TENT2: variants seen among roughly 807,000 people sequenced by gnomAD.
The protein encoded by TENT2 is poly(A) RNA polymerase GLD2.
TENT2 carries 44 observed loss-of-function variants against 72.2 expected under a neutral mutation model. The ratio of observed to expected loss-of-function variants is 0.61; its 90% CI spans 0.48 to 0.78. The LOEUF (loss-of-function observed/expected upper bound fraction) is 0.78, where lower values mean the gene tolerates loss of function less well. Among genes scored for constraint, TENT2 ranks in the 30% least tolerant of loss-of-function variants. The probability of loss-of-function intolerance (pLI) is 0.00; values close to 1 mark genes in which losing one functional copy is unlikely to be tolerated. For missense variants in TENT2, 541 were observed against 569.6 expected, an observed-to-expected ratio of 0.95 and a Z score of 0.51; for synonymous variants, 212 against 192.5, an observed-to-expected ratio of 1.10 and a Z score of -0.84.
rs1826203137 is a variant in TENT2 at position 79,686,864 on chromosome 5, G to A, written c.*1591G>A. On this transcript the variant is annotated 3_prime_UTR_variant, in exon 15 of 15. Transcript: ENST00000453514. ...GCATTTGAGCTTTTCATATTTTGGG[G>A]GGGAATTTTTCCTAAAATTTACACT... Among the ~76,000 whole-genome samples the A allele has an allele frequency of 6.6e-6, 1 of 152,010 alleles. No individual in the cohort carries two copies. Among genetic ancestry groups the A allele is most frequent in the African/African-American group, 2.4e-5 (1 of 41,406 alleles).
intron 4 of TENT2, among the ~76,000 whole-genome samples, chr5:79,627,840 G>A (rs1232364373): frequency 2.0e-5 from 3 of 152,164 alleles, no homozygotes; most frequent in South Asian, 2.1e-4. Context: ...GAGAAAGAAG[G>A]CAAGCAGTCA....
Position 79,616,335 on chromosome 5 carries a change from A to T in TENT2, c.-38+3260A>T, listed in dbSNP as rs963739535. On this transcript the variant is annotated intron_variant, in intron 1 of 14. Transcript: ENST00000453514. ...TGTCCCAGCCTCCCAAGTAGCTGGG[A>T]TTACAGGCATGTGCTACCACGCCTG... is the stretch of plus-strand genomic sequence containing the variant. Among the ~76,000 whole-genome samples, 3 of 150,752 alleles carry T rather than the reference A, an allele frequency of 2.0e-5. No homozygotes were observed. The East Asian group carries it at 5.9e-4, about 30-fold the overall frequency.
In TENT2 at chr5:79,657,008, G is replaced by T. The variant is rs1215229953; in HGVS notation, c.1071+7G>T. On this transcript the variant is annotated splice_region_variant and intron_variant, in intron 11 of 14. Transcript: ENST00000453514. Reference sequence around the variant, plus strand: ...CCTCCAAAAAATTTACCCAGTAAGTGTTTCTTATAAATTATTATAATACAT... The same window carrying T: ...CCTCCAAAAAATTTACCCAGTAAGTTTTTCTTATAAATTATTATAATACAT... 1.9e-6 allele frequency: 3 copies of T among 1,558,598 alleles called. No homozygotes were observed. The Admixed American group carries it at 5.0e-5, about 26-fold the overall frequency.
chr5:79,630,739 A>T (rs56313948), intron 4 of TENT2, among the ~76,000 whole-genome samples: 39 of 151,256 alleles, frequency 2.6e-4, no homozygotes, highest in Admixed American at 2.4e-3. Context: ...GGTAGGGGAG[A>T]TGGGAAGAGG....
At chr5:79,633,692 A>C (rs2150239305) in intron 4 of TENT2, among the ~76,000 whole-genome samples, 1 of 149,492 alleles carries the variant, frequency 6.7e-6, no homozygotes, top group South Asian at 2.1e-4. Flanking sequence ...CTGGAATTAC[A>C]GGCATGAGCC....
Position 79,656,976 on chromosome 5 carries a change from T to C in TENT2, c.1046T>C (p.Leu349Pro). The C allele has an allele frequency of 2.5e-6, 4 of 1,605,414 alleles. No homozygotes were observed. Among genetic ancestry groups the C allele is most frequent in the Non-Finnish European group, 2.6e-6 (3 of 1,173,626 alleles). ...HYLQTLPEPI[L>P]PSLQKIYPES... Reference sequence around the variant, plus strand: ...TTTATAGCCCTACCTGAACCCATCCTTCCATCCCTCCAAAAAATTTACCCA... The same window carrying C: ...TTTATAGCCCTACCTGAACCCATCCCTCCATCCCTCCAAAAAATTTACCCA... The change falls in exon 11 of 15, where the codon CTT becomes CCT. Residue 349 changes from leucine (L) to proline (P), a missense_variant. Physicochemically the swap from Leu to Pro is moderately conservative, Grantham distance 98. Coordinates refer to ENST00000453514, the MANE Select transcript of TENT2 (RefSeq NM_001114394.3).
intron 10 of TENT2, 58 bp from the exon 11 acceptor site, chr5:79,656,900 T>C: frequency 7.7e-7 from 1 of 1,298,546 alleles, no homozygotes; most frequent in East Asian, 2.4e-5. Context: ...TGACAAATTA[T>C]TGCATTGTAA....
At chr5:79,676,657 G>T (rs1817574527) in intron 12 of TENT2, among the ~76,000 whole-genome samples, 1 of 152,034 alleles carries the variant, frequency 6.6e-6, no homozygotes, top group Non-Finnish European at 1.5e-5. Context: ...TACCAAAGAA[G>T]CAAGTACCTA....
At chr5:79,615,626 CAAG>C (rs1759074675) in intron 1 of TENT2, among the ~76,000 whole-genome samples, 1 of 151,830 alleles carries the variant, frequency 6.6e-6, no homozygotes, top group East Asian at 1.9e-4. Context: ...TAAAAAAGGC[CAAG>C]AAGGAGTGTG....
intron 11 of TENT2, among the ~76,000 whole-genome samples, chr5:79,662,152 C>T (rs1447181051): frequency 6.6e-6 from 1 of 152,204 alleles, no homozygotes; most frequent in Non-Finnish European, 1.5e-5. Context: ...AGCAGAACTT[C>T]ATCTGTTAAA....
In TENT2 at chr5:79,640,907, AAAG is replaced by A. The variant is rs1484579797; in HGVS notation, c.528_530del (p.Lys177del). ...CATGTCAGCAGCAAATAAGTGATTT[AAAG>A]AAGAAAGAACTCTGTCGAACACAGC... is the stretch of plus-strand genomic sequence containing the variant. On this transcript the variant is annotated inframe_deletion, in exon 5 of 15. Transcript: ENST00000453514. 3.7e-6 allele frequency: 6 copies of A among 1,612,554 alleles called. No individual in the cohort carries two copies. The highest frequency in any genetic ancestry group is 5.1e-6 in the Non-Finnish European group (6 of 1,179,500).
chr5:79,639,507 G>A (rs1352118196), intron 4 of TENT2, among the ~76,000 whole-genome samples: 1 of 150,564 alleles, frequency 6.6e-6, no homozygotes, highest in Admixed American at 6.6e-5. Context: ...CCTAAGATTA[G>A]GGTTTTGTAG....
chr5:79,655,932 G>T (rs957125399), intron 10 of TENT2, among the ~76,000 whole-genome samples: 3 of 151,766 alleles, frequency 2.0e-5, no homozygotes, highest in Admixed American at 2.0e-4. Context: ...GTTGGAGACC[G>T]TGTAAGTTGG....
At chr5:79,632,144 T>C (rs1776062915) in intron 4 of TENT2, among the ~76,000 whole-genome samples, 1 of 152,122 alleles carries the variant, frequency 6.6e-6, no homozygotes, top group South Asian at 2.1e-4. Flanking sequence ...ATTTTCTGGG[T>C]AGTATAGAGG....
At chr5:79,683,703 C>T (rs1230922283) in intron 14 of TENT2, among the ~76,000 whole-genome samples, 1 of 151,404 alleles carries the variant, frequency 6.6e-6, no homozygotes, top group Non-Finnish European at 1.5e-5. Flanking sequence ...ATCACGAGGT[C>T]AGGAGATCGA....
intron 4 of TENT2, among the ~76,000 whole-genome samples, chr5:79,638,823 C>T (rs571785608): frequency 5.9e-5 from 9 of 152,104 alleles, no homozygotes; most frequent in African/African-American, 2.2e-4. Flanking sequence ...TTGATTTATT[C>T]TCCTAGTTGC....
rs765682008 is a variant in TENT2, at chr5:79,640,948, T to A, written c.563T>A (p.Ile188Asn). ...TGTCGAACACAGCTGCAGAGAGAAA[T>A]TCAGCTGTTATTTCCACGTATGTTT... ...ELCRTQLQRE[I>N]QLLFPQSRLF... Residue 188 changes from isoleucine to asparagine, a missense_variant, in exon 5 of 15, where the codon ATT becomes AAT. Ile to Asn is a moderately radical substitution (Grantham distance 149, BLOSUM62 -3). Coordinates refer to ENST00000453514, the MANE Select transcript of TENT2 (RefSeq NM_001114394.3). 3 of 1,607,466 alleles carry A rather than the reference T, an allele frequency of 1.9e-6. No individual in the cohort carries two copies. In the East Asian group the frequency reaches 6.7e-5, roughly 36 times the overall value.
intron 1 of TENT2, among the ~76,000 whole-genome samples, chr5:79,617,332 A>G (rs1761072455): frequency 6.6e-6 from 1 of 151,752 alleles, no homozygotes; most frequent in Non-Finnish European, 1.5e-5. Flanking sequence ...AAAAATCAGT[A>G]TATTCATTCT....
chr5:79,672,205 A>G (rs962912413), intron 12 of TENT2, among the ~76,000 whole-genome samples: 1 of 152,138 alleles, frequency 6.6e-6, no homozygotes, highest in Non-Finnish European at 1.5e-5. Context: ...ATAGGTTTGT[A>G]TATTTATAGG....
Sources: gnomAD v4.1 joint callset for allele counts (sites outside exome capture counted in the v4.1 genomes callset) on GRCh38, gnomAD v4.1.1 for gene constraint, MANE v1.5 for transcripts, NCBI Gene and HGNC (gene_info 2026-07-23, HGNC 2026-07-21) for gene names.